The following ROCK2 variants were observed in gnomAD, a reference collection of about 807,000 sequenced individuals.
ROCK2 encodes the protein rho-associated protein kinase 2.
A neutral mutation model predicts 195.1 loss-of-function variants in ROCK2; 61 were observed. The ratio of observed to expected loss-of-function variants is 0.31; its 90% CI spans 0.25 to 0.39. The LOEUF (loss-of-function observed/expected upper bound fraction) is 0.39. Ranked by LOEUF, ROCK2 falls within the 10% of genes least tolerant of loss-of-function variation. The probability of loss-of-function intolerance (pLI) is 1.00; values close to 1 mark genes in which losing one functional copy is unlikely to be tolerated. For synonymous variants in ROCK2, 504 were observed against 545.5 expected, an observed-to-expected ratio of 0.92 and a Z score of 1.06; for missense variants, 1,109 against 1,637.4, an observed-to-expected ratio of 0.68 and a Z score of 5.57.
intron 3 of ROCK2, among the ~76,000 whole-genome samples, chr2:11,274,245 G>A (rs1303664835): frequency 2.0e-5 from 3 of 151,704 alleles, no homozygotes; most frequent in Non-Finnish European, 2.9e-5. Flanking sequence ...CAGAAGCAAG[G>A]AAATAATAAA....
intron 4 of ROCK2, among the ~76,000 whole-genome samples, chr2:11,243,596 A>G (rs1418202718): frequency 6.6e-6 from 1 of 152,190 alleles, no homozygotes; most frequent in Non-Finnish European, 1.5e-5. Flanking sequence ...TAACCCTAGT[A>G]TAATTAATAA....
intron 3 of ROCK2, among the ~76,000 whole-genome samples, chr2:11,255,774 G>A (rs1453939733): frequency 1.3e-5 from 2 of 150,092 alleles, no homozygotes; most frequent in African/African-American, 2.5e-5. Flanking sequence ...ACAAAAATTA[G>A]CCAGGCATGG....
In ROCK2 at chr2:11,344,410, G is replaced by T. The variant is rs1486445160; in HGVS notation, c.-274C>A. 1.5e-4 allele frequency: 161 copies of T among 1,087,610 alleles called. 1 individual carries two copies. In the East Asian group the frequency reaches 8.8e-3, roughly 59 times the overall value. The allele number at this position is 1,087,610 out of a possible 1,614,324, so 67.4% of individuals were successfully genotyped here. ...CCCCTCAGTCAGATTCGCGCCGCCG[G>T]TCCGCTGGTCCTCAGCGAGTGCCCG... On this transcript the variant is annotated 5_prime_UTR_variant, in exon 1 of 33. Transcript: ENST00000315872. This position sits in a 1 kb window ranked among gnomAD's most constrained non-coding sequence, Gnocchi z 5.4.
At chr2:11,307,253 G>A (rs1217759332) in intron 1 of ROCK2, among the ~76,000 whole-genome samples, 1 of 152,168 alleles carries the variant, frequency 6.6e-6, no homozygotes, top group Non-Finnish European at 1.5e-5. Context: ...CTGTGTACCA[G>A]GTAATGAAGC....
At chr2:11,225,503 C>G (rs1456696851) in intron 6 of ROCK2, among the ~76,000 whole-genome samples, 3 of 151,144 alleles carry the variant, frequency 2.0e-5, no homozygotes, top group Non-Finnish European at 3.0e-5. Flanking sequence ...TTTAATTTTA[C>G]TCTTTTATTA....
chr2:11,186,840 T>C (rs1293105190), intron 32 of ROCK2, among the ~76,000 whole-genome samples: 1 of 152,190 alleles, frequency 6.6e-6, no homozygotes, highest in Non-Finnish European at 1.5e-5. Flanking sequence ...AAATTATCCA[T>C]CCTCCATTGT....
At chr2:11,234,518 C>A (rs1665135531) in intron 5 of ROCK2, 1 of 152,032 alleles carries the variant, frequency 6.6e-6, no homozygotes, top group African/African-American at 2.4e-5. Flanking sequence ...ATACCAAATA[C>A]CACAAGAGGG....
Position 11,192,112 on chromosome 2 carries a change from C to CA in ROCK2, c.4163+35_4163+36insT. 1 of 1,121,244 alleles carries CA rather than the reference C, an allele frequency of 8.9e-7. No individual in the cohort carries two copies. 69.5% of individuals were successfully genotyped at this position (1,121,244 alleles called of 1,614,324 possible). A position where few individuals can be genotyped will look rare whatever the true frequency, so the allele number is the denominator to read the frequency against. On this transcript the variant is annotated intron_variant, in intron 32 of 32. Coordinates refer to ENST00000315872, the MANE Select transcript of ROCK2 (RefSeq NM_004850.5). This position sits in a 1 kb window ranked among gnomAD's most constrained non-coding sequence, Gnocchi z 5.0. ...ATAAATAGCAAAATATTTTAATAGA[C>CA]TTTTTTTTTTTCCTTACCACATTTT...
At chr2:11,251,853 G>T (rs571680015) in intron 3 of ROCK2, among the ~76,000 whole-genome samples, 1 of 152,228 alleles carries the variant, frequency 6.6e-6, no homozygotes, top group South Asian at 2.1e-4. Context: ...AGTGGGCAAA[G>T]GATATGAACA....
At chr2:11,184,487 T>A (rs954079081) in intron 32 of ROCK2, among the ~76,000 whole-genome samples, 1 of 152,226 alleles carries the variant, frequency 6.6e-6, no homozygotes, top group African/African-American at 2.4e-5. Context: ...AATCTGAACA[T>A]AGCATTTCAC....
intron 8 of ROCK2, 37 bp from the exon 9 acceptor site, chr2:11,221,394 A>G (rs747241775): frequency 3.9e-5 from 56 of 1,436,294 alleles, no homozygotes; most frequent in Non-Finnish European, 5.1e-5. Context: ...TTCATTCACA[A>G]CCAAAATATA....
At chr2:11,190,012 T>A (rs1167321741) in intron 32 of ROCK2, among the ~76,000 whole-genome samples, 2 of 151,678 alleles carry the variant, frequency 1.3e-5, no homozygotes, top group African/African-American at 4.8e-5. Context: ...ATAATAATAA[T>A]AATAAAATGC....
chr2:11,209,289 A>C (rs1394942645), intron 18 of ROCK2, among the ~76,000 whole-genome samples: 1 of 152,100 alleles, frequency 6.6e-6, no homozygotes, highest in Non-Finnish European at 1.5e-5. Flanking sequence ...CAAGTAATTC[A>C]CCTCTCTGGA....
At chr2:11,326,960 G>A (rs1360189120) in intron 1 of ROCK2, among the ~76,000 whole-genome samples, 2 of 152,202 alleles carry the variant, frequency 1.3e-5, no homozygotes, top group Non-Finnish European at 2.9e-5. Context: ...AGAAAGAAAA[G>A]AATGATTAAA....
At chr2:11,231,064 C>CT (rs1414857147) in intron 5 of ROCK2, among the ~76,000 whole-genome samples, 1 of 151,456 alleles carries the variant, frequency 6.6e-6, no homozygotes, top group Non-Finnish European at 1.5e-5. Flanking sequence ...AAATGCATAC[C>CT]TTTTTTTAAA....
chr2:11,335,703 T>C (rs1287287086), intron 1 of ROCK2, among the ~76,000 whole-genome samples: 1 of 152,190 alleles, frequency 6.6e-6, no homozygotes, highest in Non-Finnish European at 1.5e-5. Context: ...CAATTAATAT[T>C]TTGGGAAATT....
chr2:11,223,487 G>C (rs1404052751), intron 7 of ROCK2, among the ~76,000 whole-genome samples: 5 of 152,082 alleles, frequency 3.3e-5, no homozygotes, highest in Non-Finnish European at 7.4e-5. Context: ...CTGCAGTAAT[G>C]CTTGTAACAA....
At position 11,248,735 on chromosome 2, in the gene ROCK2, A is replaced by AAAAG. The variant is rs1558325886; in HGVS notation, c.462+922_462+925dup. On this transcript the variant is annotated intron_variant, in intron 4 of 32. Coordinates refer to ENST00000315872, the MANE Select transcript of ROCK2 (RefSeq NM_004850.5). ...AAAAAAAAAAAAAAAAAAAAAAAAA[A>AAAAG]AAAGAAAGAATGAAGGCAAAGCAGA... 6.3e-4 allele frequency among the ~76,000 whole-genome samples: 88 copies of AAAAG among 139,652 alleles called. 1 individual carries two copies. In the East Asian group the frequency reaches 8.6e-3, roughly 14 times the overall value. The allele number at this position is 139,652 out of a possible 152,430, so 91.6% of individuals were successfully genotyped here. A position where few individuals can be genotyped will look rare whatever the true frequency, so the allele number is the denominator to read the frequency against.
chr2:11,331,175 A>G (rs1187767915), intron 1 of ROCK2, among the ~76,000 whole-genome samples: 2 of 152,246 alleles, frequency 1.3e-5, no homozygotes, highest in Admixed American at 6.5e-5. Flanking sequence ...CTAACATTAA[A>G]AAGAAAACTT....
Sources: gnomAD v4.1 joint callset for allele counts (sites outside exome capture counted in the v4.1 genomes callset) on GRCh38, gnomAD v4.1.1 for gene constraint, Gnocchi (gnomAD v3.1) non-coding constraint, MANE v1.5 for transcripts, NCBI Gene and HGNC (gene_info 2026-07-23, HGNC 2026-07-21) for gene names.